SSU72: variants seen among roughly 807,000 people sequenced by gnomAD.
The protein encoded by SSU72 is RNA polymerase II subunit A C-terminal domain phosphatase SSU72.
Under a neutral mutation model 22.7 loss-of-function variants are expected in SSU72, and 12 were observed. The observed-to-expected ratio is 0.53, with a 90% CI of 0.34 to 0.86. The LOEUF is 0.86. Ranked by LOEUF, SSU72 falls within the 40% of genes least tolerant of loss-of-function variation. The pLI is 0.02. For synonymous variants in SSU72, 116 were observed against 98.3 expected (o/e 1.18, Z -1.06); for missense variants, 151 against 249.8 (o/e 0.60, Z 2.67).
chr1:1,573,429 CAAAAAAAAAAAAAAAAA>C (rs56930035), intron 1 of SSU72, among the ~76,000 whole-genome samples: 21 of 107,574 alleles, frequency 2.0e-4, no homozygotes, highest in South Asian at 7.1e-4. Context: ...GACTCTGTCT[CAAAAAAAAAAAAAAAAA>C]AAAAAAAAAA....
chr1:1,555,239 G>T (rs984530206), intron 2 of SSU72, among the ~76,000 whole-genome samples: 1 of 152,190 alleles, frequency 6.6e-6, no homozygotes, highest in Admixed American at 6.5e-5. Flanking sequence ...CCGTTTCCAT[G>T]GCAAAACTCA....
In SSU72 at chr1:1,545,008, C is replaced by T. The variant is rs755624508; in HGVS notation, c.225-6G>A. On this transcript the variant is annotated splice_polypyrimidine_tract_variant and splice_region_variant and intron_variant, in intron 2 of 4. Coordinates refer to ENST00000291386, the MANE Select transcript of SSU72 (RefSeq NM_014188.3). ...AAATCCCATTCTGTGTATAGCTACA[C>T]ATGGGAGTTAAGGAACGTCAGAGAA... 22 of 1,612,250 alleles carry T rather than the reference C, an allele frequency of 1.4e-5. No homozygotes were observed. The highest frequency in any genetic ancestry group is 1.7e-5 in the Non-Finnish European group (20 of 1,178,698).
intron 3 of SSU72, chr1:1,544,643 G>C: frequency 3.3e-6 from 2 of 608,172 alleles, no homozygotes; most frequent in Non-Finnish European, 5.8e-6. Context: ...AAACACCAAG[G>C]AGAAAAGAGG....
intron 2 of SSU72, among the ~76,000 whole-genome samples, chr1:1,555,190 G>A (rs1296283197): frequency 3.3e-5 from 5 of 152,182 alleles, no homozygotes; most frequent in Admixed American, 6.5e-5. Context: ...TCAGAGGGGA[G>A]GTCAGAGGTC....
chr1:1,549,317 C>T (rs546444635), intron 2 of SSU72, among the ~76,000 whole-genome samples: 3 of 151,550 alleles, frequency 2.0e-5, no homozygotes, highest in South Asian at 2.1e-4. Context: ...ATCAGGAAAT[C>T]GAGACCATCC....
intron 2 of SSU72, among the ~76,000 whole-genome samples, chr1:1,556,023 TG>T (rs1642516448): frequency 6.6e-6 from 1 of 151,764 alleles, no homozygotes; most frequent in African/African-American, 2.4e-5. Context: ...AGGCTGGGCA[TG>T]GTGGCTCACT....
In SSU72 at chr1:1,542,096, G is replaced by A. The variant is rs1321786023; in HGVS notation, c.555C>T (p.Arg185=). The A allele has an allele frequency of 5.0e-6, 8 of 1,590,314 alleles. No homozygotes were observed. The East Asian group carries it at 6.8e-5, about 14-fold the overall frequency. Residue 185 remains arginine (R), a synonymous_variant, in exon 5 of 5, where the codon CGC becomes CGT. Coordinates refer to ENST00000291386, the MANE Select transcript of SSU72 (RefSeq NM_014188.3). This position sits in a 1 kb window ranked among gnomAD's most constrained non-coding sequence, Gnocchi z 4.4. ...LLQEFEEKSG[R]TFLHTVCFY The stretch of plus-strand genomic sequence containing the variant: ...AGAAGCAGACGGTGTGCAGAAAGGT[G>A]CGGCCACTCTTCTCCTCGAACTCCT...
chr1:1,553,018 CAAA>C (rs35241878), intron 2 of SSU72, among the ~76,000 whole-genome samples: 85 of 93,814 alleles, frequency 9.1e-4, no homozygotes, highest in African/African-American at 2.8e-3. Flanking sequence ...GAGACTGTCT[CAAA>C]AAAAAAAAAA....
chr1:1,548,526 C>T (rs184254312), intron 2 of SSU72, among the ~76,000 whole-genome samples: 2 of 150,724 alleles, frequency 1.3e-5, no homozygotes, highest in East Asian at 3.9e-4. Context: ...TGCACTCTGG[C>T]CTCGGTGACA....
At chr1:1,559,843 C>T (rs1642565737) in intron 2 of SSU72, among the ~76,000 whole-genome samples, 1 of 152,194 alleles carries the variant, frequency 6.6e-6, no homozygotes, top group South Asian at 2.1e-4. Context: ...TCTCCTGCCT[C>T]AGCCTCATGA....
chr1:1,548,626 A>C (rs1570383447), intron 2 of SSU72, among the ~76,000 whole-genome samples: 1 of 149,872 alleles, frequency 6.7e-6, no homozygotes. Flanking sequence ...TGTGGCAGCC[A>C]CGGGGTGGGG....
chr1:1,564,704 C>T (rs777452275), intron 2 of SSU72, 69 bp downstream of exon 2: 65 of 1,613,942 alleles, frequency 4.0e-5, no homozygotes, highest in African/African-American at 1.5e-4. Context: ...CTCCTGTGCC[C>T]GAGCCACACG....
rs933140839 is a variant in SSU72 at position 1,556,159 on chromosome 1, A to G, written c.224+8614T>C. On this transcript the variant is annotated intron_variant, in intron 2 of 4. Coordinates refer to ENST00000291386, the MANE Select transcript of SSU72 (RefSeq NM_014188.3). Reference sequence around the variant, plus strand: ...AAAAATACACAAAGTTTGGCCAGGCACGGTGGCTCACGCCTATAATCCCAG... The same window carrying G: ...AAAAATACACAAAGTTTGGCCAGGCGCGGTGGCTCACGCCTATAATCCCAG... 8.5e-5 allele frequency among the ~76,000 whole-genome samples: 13 copies of G among 152,256 alleles called. No homozygotes were observed. The East Asian group carries it at 1.4e-3, about 16-fold the overall frequency.
At chr1:1,573,265 C>CAAAAAAAA (rs57824669) in intron 1 of SSU72, among the ~76,000 whole-genome samples, 9 of 131,302 alleles carry the variant, frequency 6.9e-5, no homozygotes, top group African/African-American at 2.5e-4. Flanking sequence ...ACTAAAAATA[C>CAAAAAAAA]AAAAAAAAAA....
At chr1:1,551,461 C>CA (rs1642454625) in intron 2 of SSU72, among the ~76,000 whole-genome samples, 1 of 152,090 alleles carries the variant, frequency 6.6e-6, no homozygotes, top group African/African-American at 2.4e-5. Context: ...CTACAATCAG[C>CA]AAAAAATGAA....
At chr1:1,560,683 G>A (rs1351415181) in intron 2 of SSU72, among the ~76,000 whole-genome samples, 1 of 152,172 alleles carries the variant, frequency 6.6e-6, no homozygotes, top group Non-Finnish European at 1.5e-5. Context: ...AAGTCAAGGA[G>A]ATTTTGTATT....
Position 1,541,971 on chromosome 1 carries a change from C to A in SSU72, c.*95G>T. ...CAGTTTATTTGGGTAATGCTACCGT[C>A]ACCAGCAGAACACCTGTAAGTAAAA... On this transcript the variant is annotated 3_prime_UTR_variant, in exon 5 of 5. Transcript: ENST00000291386. 8.3e-6 allele frequency: 10 copies of A among 1,201,982 alleles called. No homozygotes were observed. Among genetic ancestry groups the A allele is most frequent in the Non-Finnish European group, 1.2e-5 (10 of 836,602 alleles). 74.5% of individuals were successfully genotyped at this position (1,201,982 alleles called of 1,614,324 possible). A position where few individuals can be genotyped will look rare whatever the true frequency, so the allele number is the denominator to read the frequency against.
chr1:1,569,701 T>C lies in SSU72; in HGVS notation c.80+4777A>G, dbSNP rs1446449706. 2.0e-5 allele frequency among the ~76,000 whole-genome samples: 3 copies of C among 152,166 alleles called. No homozygotes were observed. In the East Asian group the frequency reaches 5.8e-4, roughly 29 times the overall value. On this transcript the variant is annotated intron_variant, in intron 1 of 4. Coordinates refer to ENST00000291386, the MANE Select transcript of SSU72 (RefSeq NM_014188.3). Reference sequence around the variant, plus strand: ...AAATGTTTTGTAATGATAGCGGGTCTCACTGTGTTGCCCAGGGCTCAAACT... The same window carrying C: ...AAATGTTTTGTAATGATAGCGGGTCCCACTGTGTTGCCCAGGGCTCAAACT...
chr1:1,574,367 G>A, intron 1 of SSU72, 111 bp downstream of exon 1: 2 of 1,199,216 alleles, frequency 1.7e-6, no homozygotes, highest in East Asian at 3.1e-5. Context: ...CACGAGCGCG[G>A]CCCGGCCCGG....
Sources: allele counts gnomAD v4.1 joint callset (sites outside exome capture counted in the v4.1 genomes callset), GRCh38; gene constraint gnomAD v4.1.1; non-coding constraint Gnocchi (gnomAD v3.1); transcripts MANE v1.5; gene names NCBI Gene and HGNC (gene_info 2026-07-23, HGNC 2026-07-21).